The following CHM variants were observed in gnomAD, a reference collection of about 807,000 sequenced individuals.
CHM encodes CHM Rab escort protein, also known as rab proteins geranylgeranyltransferase component A 1.
CHM carries 10 observed loss-of-function variants against 49.0 expected under a neutral mutation model. The observed-to-expected ratio is 0.20, with a 90% CI of 0.13 to 0.35. CHM has a LOEUF of 0.35. CHM is among the 10% of genes least tolerant of loss of function. CHM has a pLI of 1.00. For synonymous variants in CHM, 184 were observed against 167.5 expected (o/e 1.10, Z -0.76); for missense variants, 455 against 478.4 (o/e 0.95, Z 0.46).
chrX:85,877,417 T>C (rs1160354573), intron 13 of CHM, among the ~76,000 whole-genome samples: 2 of 110,942 alleles, frequency 1.8e-5, no homozygotes, highest in Admixed American at 1.9e-4. Context: ...GGAGATAGAG[T>C]GTACAACGAT....
chrX:86,027,451 A>G, intron 2 of CHM, 40 bp downstream of exon 2: 1 of 1,070,675 alleles, frequency 9.3e-7, no homozygotes, highest in South Asian at 1.9e-5. Flanking sequence ...CTGTATAGAG[A>G]TATTTAGGAA....
At chrX:85,929,715 T>C (rs1397623084) in intron 8 of CHM, among the ~76,000 whole-genome samples, 1 of 112,273 alleles carries the variant, frequency 8.9e-6, no homozygotes, top group Non-Finnish European at 1.9e-5. Flanking sequence ...TTTTAGCTCT[T>C]TTTATTCTAA....
At chrX:85,943,568 C>T (rs931592974) in intron 8 of CHM, among the ~76,000 whole-genome samples, 3 of 111,699 alleles carry the variant, frequency 2.7e-5, no homozygotes, top group South Asian at 3.7e-4. Context: ...TGTAAGAATG[C>T]CCCGTATTCT....
intron 8 of CHM, among the ~76,000 whole-genome samples, chrX:85,914,717 A>G (rs1174230543): frequency 2.7e-5 from 3 of 111,467 alleles, no homozygotes; most frequent in Admixed American, 9.6e-5. Flanking sequence ...CTGCCCTGCT[A>G]GTATACACTT....
chrX:85,883,160 C>T (rs1158850089), intron 12 of CHM, among the ~76,000 whole-genome samples: 1 of 111,421 alleles, frequency 9.0e-6, no homozygotes, highest in Non-Finnish European at 1.9e-5. Flanking sequence ...TCTGAGGTTA[C>T]CACATACAGC....
intron 11 of CHM, among the ~76,000 whole-genome samples, chrX:85,899,600 T>C (rs1926114277): frequency 9.1e-6 from 1 of 109,421 alleles, no homozygotes. Context: ...CATCATGTAT[T>C]TTTTTAAAAA....
intron 2 of CHM, among the ~76,000 whole-genome samples, chrX:86,005,889 T>C (rs776699748): frequency 9.0e-6 from 1 of 111,662 alleles, no homozygotes; most frequent in Non-Finnish European, 1.9e-5. Context: ...TAGAAAAAGA[T>C]GGAATCCTCC....
Position 85,911,694 on chromosome X carries a change from A to T in CHM, c.1167-356T>A, listed in dbSNP as rs115835047. On this transcript the variant is annotated intron_variant, in intron 8 of 14. Coordinates refer to ENST00000357749, the MANE Select transcript of CHM (RefSeq NM_000390.4). ...ATGCATGTATGACAAACCCAAGAGA[A>T]ATCACCATTGAGAAGTGTTAAAGAG... is the stretch of plus-strand genomic sequence containing the variant. 6.4e-3 allele frequency among the ~76,000 whole-genome samples: 707 copies of T among 111,098 alleles called. 4 individuals are homozygous for T. The highest frequency in any genetic ancestry group is 0.021 in the African/African-American group (652 of 30,532).
chrX:85,958,759 C>T (rs937733457), intron 6 of CHM, 102 bp downstream of exon 6: 1 of 1,152,363 alleles, frequency 8.7e-7, no homozygotes. Flanking sequence ...CTGGAATTTA[C>T]TGCTTTATGA....
intron 1 of CHM, 70 bp downstream of exon 1, chrX:86,047,414 C>T: frequency 9.8e-7 from 1 of 1,016,326 alleles, no homozygotes; most frequent in Non-Finnish European, 1.4e-6. Flanking sequence ...CAAAACTCGC[C>T]ACTGACAGAA....
chrX:85,909,004 T>C (rs1926768111), intron 9 of CHM, among the ~76,000 whole-genome samples: 1 of 111,754 alleles, frequency 8.9e-6, no homozygotes, highest in Admixed American at 9.6e-5. Flanking sequence ...CCAAGGCATG[T>C]CAAATCTAGA....
intron 13 of CHM, 118 bp downstream of exon 13, chrX:85,878,847 A>C (rs1924578264): frequency 1.9e-6 from 1 of 531,169 alleles, no homozygotes; most frequent in South Asian, 2.8e-5. Flanking sequence ...AAAACATGTG[A>C]ATTGTTGTTG....
chrX:85,897,588 G>A (rs1001019821), intron 11 of CHM, among the ~76,000 whole-genome samples: 1 of 110,224 alleles, frequency 9.1e-6, no homozygotes, highest in East Asian at 2.8e-4. Flanking sequence ...AGCGAAGCAA[G>A]GTTGGTGGGG....
At chrX:85,909,261 C>G (rs1308528062) in intron 9 of CHM, among the ~76,000 whole-genome samples, 2 of 111,632 alleles carry the variant, frequency 1.8e-5, no homozygotes, top group African/African-American at 6.5e-5. Context: ...GTTGGTATAT[C>G]TGGCAGTTTC....
chrX:85,893,147 T>G (rs1229630029), intron 12 of CHM, among the ~76,000 whole-genome samples: 1 of 111,741 alleles, frequency 8.9e-6, no homozygotes, highest in Non-Finnish European at 1.9e-5. Flanking sequence ...AATAGTCTTG[T>G]TCCATTAGGT....
At chrX:85,884,655 A>G (rs1332959715) in intron 12 of CHM, among the ~76,000 whole-genome samples, 2 of 111,266 alleles carry the variant, frequency 1.8e-5, no homozygotes, top group East Asian at 5.6e-4. Context: ...CATACGTATG[A>G]TTTTACAAAT....
intron 10 of CHM, 45 bp from the exon 11 acceptor site, chrX:85,900,754 T>C: frequency 1.0e-6 from 1 of 956,165 alleles, no homozygotes; most frequent in Middle Eastern, 2.6e-4. Context: ...ATTCCATGGA[T>C]AAGTTTCGTT....
chrX:85,901,461 G>A, intron 9 of CHM, among the ~76,000 whole-genome samples: 1 of 110,815 alleles, frequency 9.0e-6, no homozygotes, highest in Non-Finnish European at 1.9e-5. Context: ...ATAAAGTCAG[G>A]ATAAGAATTA....
intron 8 of CHM, among the ~76,000 whole-genome samples, chrX:85,913,343 AGAAAGAAAGAAAGAAAGAAAGAAAG>A (rs1927219053): frequency 1.3e-5 from 1 of 74,513 alleles, no homozygotes; most frequent in Non-Finnish European, 2.8e-5. Flanking sequence ...AAAGAAAGAA[AGAAAGAAAGAAAGAAAGAAAGAAAG>A]AAAGAAAGAA....
Sources: allele counts gnomAD v4.1 joint callset (sites outside exome capture counted in the v4.1 genomes callset), GRCh38; gene constraint gnomAD v4.1.1; transcripts MANE v1.5; gene names NCBI Gene and HGNC (gene_info 2026-07-23, HGNC 2026-07-21).